The following UGT1A8 variants were observed in gnomAD, a reference collection of about 807,000 sequenced individuals.
The protein encoded by UGT1A8 is UDP glucuronosyltransferase family 1 member A8, also known as UDP-glucuronosyltransferase 1A8.
In UGT1A8, 39 loss-of-function variants were observed where a neutral mutation model predicts 45.3. That is an observed-to-expected ratio of 0.86 (90% CI 0.67 to 1.12). The LOEUF (loss-of-function observed/expected upper bound fraction) is 1.12. Ranked by LOEUF, UGT1A8 falls within the 50% of genes most tolerant of loss-of-function variation. UGT1A8 has a pLI of 0.00. For synonymous variants in UGT1A8, 275 were observed against 249.2 expected (o/e 1.10, Z -0.97); for missense variants, 719 against 664.9 (o/e 1.08, Z -0.90).
intron 1 of UGT1A8, among the ~76,000 whole-genome samples, chr2:233,709,507 T>C (rs1264085569): frequency 2.6e-5 from 4 of 152,174 alleles, no homozygotes; most frequent in Admixed American, 2.0e-4. Context: ...TGCCTCTTGC[T>C]CTCTTTTAGG....
chr2:233,640,386 T>C (rs953315929), intron 1 of UGT1A8, among the ~76,000 whole-genome samples: 1 of 152,148 alleles, frequency 6.6e-6, no homozygotes, highest in Non-Finnish European at 1.5e-5. Context: ...TCATTGAATA[T>C]TTTATTAAAT....
intron 1 of UGT1A8, among the ~76,000 whole-genome samples, chr2:233,710,371 A>G (rs1323187790): frequency 6.6e-6 from 1 of 152,256 alleles, no homozygotes; most frequent in Non-Finnish European, 1.5e-5. Context: ...ACAATTTTAC[A>G]TTCCTAACAG....
In UGT1A8 at chr2:233,682,845, A is replaced by G. The variant is rs2074603483; in HGVS notation, c.855+64283A>G. On this transcript the variant is annotated intron_variant, in intron 1 of 4. Coordinates refer to ENST00000373450, the MANE Select transcript of UGT1A8 (RefSeq NM_019076.5). The stretch of plus-strand genomic sequence containing the variant: ...AGAATAATCTGGCTTTGGAAATTAA[A>G]AGATTTCTTACAGAATCATAATTTA... 4 of 1,543,776 alleles carry G rather than the reference A, an allele frequency of 2.6e-6. No homozygotes were observed. The South Asian group carries it at 3.8e-5, about 15-fold the overall frequency.
chr2:233,743,691 C>T (rs368518074), intron 1 of UGT1A8: 24 of 1,367,118 alleles, frequency 1.8e-5, no homozygotes, highest in Non-Finnish European at 2.2e-5. Context: ...CCTGTGCAGC[C>T]GCCCTCCGCC....
At position 233,743,563 on chromosome 2, in the gene UGT1A8, C is replaced by T. The variant is rs546286371; in HGVS notation, c.856-23471C>T. 46 of 1,367,298 alleles carry T rather than the reference C, an allele frequency of 3.4e-5. 1 individual carries two copies. Among genetic ancestry groups the T allele is most frequent in the Admixed American group, 5.7e-5 (3 of 52,582 alleles). 84.7% of individuals were successfully genotyped at this position (1,367,298 alleles called of 1,614,324 possible). A position where few individuals can be genotyped will look rare whatever the true frequency, so the allele number is the denominator to read the frequency against. On this transcript the variant is annotated intron_variant, in intron 1 of 4. Transcript: ENST00000373450. The stretch of plus-strand genomic sequence containing the variant: ...CTGACCCCCCCAAAATATTCTCCAG[C>T]GGGTTTCCCAAGAGGTCAAAGGAGA...
chr2:233,713,182 A>G (rs935339991), intron 1 of UGT1A8: 1 of 1,614,228 alleles, frequency 6.2e-7, no homozygotes, highest in Non-Finnish European at 8.5e-7. Context: ...CTCACCCTGG[A>G]GGTGAATATG....
intron 1 of UGT1A8, among the ~76,000 whole-genome samples, chr2:233,727,971 C>G (rs1256650182): frequency 6.6e-6 from 1 of 152,196 alleles, no homozygotes; most frequent in Non-Finnish European, 1.5e-5. Context: ...CTGAGGTGAC[C>G]AGGACAAGGT....
chr2:233,760,162 T>C (rs967006180), intron 1 of UGT1A8: 7 of 1,514,606 alleles, frequency 4.6e-6, no homozygotes, highest in Admixed American at 4.0e-5. Flanking sequence ...CTGCTACCTT[T>C]GTGGACTGAC....
At chr2:233,682,690 G>A (rs376167596) in intron 1 of UGT1A8, 10 of 1,613,696 alleles carry the variant, frequency 6.2e-6, no homozygotes, top group African/African-American at 2.7e-5. Flanking sequence ...CATCAATTTG[G>A]TTGTTGCGAA....
chr2:233,759,378 C>T (rs906522518), intron 1 of UGT1A8, among the ~76,000 whole-genome samples: 2 of 152,128 alleles, frequency 1.3e-5, no homozygotes, highest in African/African-American at 2.4e-5. Flanking sequence ...TACAGGTTTT[C>T]AGGATACTCA....
At chr2:233,673,021 A>G (rs1173370783) in intron 1 of UGT1A8, among the ~76,000 whole-genome samples, 1 of 152,186 alleles carries the variant, frequency 6.6e-6, no homozygotes, top group Non-Finnish European at 1.5e-5. Flanking sequence ...TATTCAGCCT[A>G]CATTTTTAAG....
chr2:233,762,039 CTG>C (rs1484213771), intron 1 of UGT1A8, among the ~76,000 whole-genome samples: 1 of 152,090 alleles, frequency 6.6e-6, no homozygotes, highest in Non-Finnish European at 1.5e-5. Flanking sequence ...TTTTAATTTT[CTG>C]TGCATTTTCC....
chr2:233,759,135 A>G (rs1346504675), intron 1 of UGT1A8, among the ~76,000 whole-genome samples: 1 of 152,234 alleles, frequency 6.6e-6, no homozygotes, highest in African/African-American at 2.4e-5. Flanking sequence ...CTGGTACGCA[A>G]TGAAGGTGAG....
At chr2:233,724,144 C>T (rs2077176143) in intron 1 of UGT1A8, among the ~76,000 whole-genome samples, 1 of 124,228 alleles carries the variant, frequency 8.0e-6, no homozygotes, top group African/African-American at 3.6e-5. Flanking sequence ...GACGGGGCGG[C>T]TGGCCGGGTG....
At chr2:233,633,174 T>C (rs1300867584) in intron 1 of UGT1A8, among the ~76,000 whole-genome samples, 1 of 152,174 alleles carries the variant, frequency 6.6e-6, no homozygotes. Context: ...TTGATCATGG[T>C]GGATAAGCTT....
At chr2:233,672,257 T>A (rs1309942480) in intron 1 of UGT1A8, 7 of 1,614,062 alleles carry the variant, frequency 4.3e-6, no homozygotes, top group East Asian at 4.5e-5. Flanking sequence ...ATATATTCTC[T>A]ATTAATGGGT....
intron 1 of UGT1A8, among the ~76,000 whole-genome samples, chr2:233,652,934 T>C (rs555464206): frequency 3.2e-4 from 48 of 152,344 alleles, no homozygotes; most frequent in Non-Finnish European, 6.5e-4. Context: ...CACATTGTTG[T>C]GTATGAGAAA....
intron 1 of UGT1A8, among the ~76,000 whole-genome samples, chr2:233,715,799 G>A (rs2076471027): frequency 6.6e-6 from 1 of 152,116 alleles, no homozygotes; most frequent in African/African-American, 2.4e-5. Context: ...TTTGGAATGT[G>A]AAAATCTTGT....
intron 1 of UGT1A8, among the ~76,000 whole-genome samples, chr2:233,665,015 T>G (rs1244872394): frequency 1.3e-5 from 2 of 152,228 alleles, no homozygotes. Flanking sequence ...TAGAAAATGC[T>G]CTTAGTAGTT....
Sources: gnomAD v4.1 joint callset for allele counts (sites outside exome capture counted in the v4.1 genomes callset) on GRCh38, gnomAD v4.1.1 for gene constraint, MANE v1.5 for transcripts, NCBI Gene and HGNC (gene_info 2026-07-23, HGNC 2026-07-21) for gene names.